The following BEST2 variants were observed in gnomAD, a reference collection of about 807,000 sequenced individuals.
The protein encoded by BEST2 is bestrophin-2a.
BEST2 carries 36 observed loss-of-function variants against 49.0 expected under a neutral mutation model. The ratio of observed to expected loss-of-function variants is 0.73; its 90% CI spans 0.56 to 0.97. The LOEUF is 0.97. Ranked by LOEUF, BEST2 falls within the 50% of genes least tolerant of loss-of-function variation. The probability of loss-of-function intolerance (pLI) is 0.00; values close to 1 mark genes in which losing one functional copy is unlikely to be tolerated. For missense variants in BEST2, 672 were observed against 710.0 expected (o/e 0.95, Z 0.61); for synonymous variants, 335 against 304.4 (o/e 1.10, Z -1.05).
chr19:12,755,245 C>A lies in BEST2; in HGVS notation c.637-134C>A. 2 of 1,084,302 alleles carry A rather than the reference C, an allele frequency of 1.8e-6. No homozygotes were observed. Among genetic ancestry groups the A allele is most frequent in the Non-Finnish European group, 2.7e-6 (2 of 734,212 alleles). The allele number at this position is 1,084,302 out of a possible 1,614,324, so 67.2% of individuals were successfully genotyped here. ...CCAGGTGCACACTCACCACCAAATACCCTCCCTGGAACCCCCAAAGCACAC... is the reference window on the plus strand; with the variant it reads ...CCAGGTGCACACTCACCACCAAATAACCTCCCTGGAACCCCCAAAGCACAC... On this transcript the variant is annotated intron_variant, in intron 5 of 9. Transcript: ENST00000553030. This position sits in a 1 kb window ranked among gnomAD's most constrained non-coding sequence, Gnocchi z 4.4.
Position 12,756,309 on chromosome 19 carries a change from G to A in BEST2, c.1103+14G>A. The A allele has an allele frequency of 6.2e-7, 1 of 1,611,794 alleles. No individual in the cohort carries two copies. Among genetic ancestry groups the A allele is most frequent in the Non-Finnish European group, 8.5e-7 (1 of 1,179,962 alleles). Reference sequence around the variant, plus strand: ...CTTTGACATCACGTGAGCCAGTTGGGTGGGCAGGGCCGCCTGGGGCAGGGC... The same window carrying A: ...CTTTGACATCACGTGAGCCAGTTGGATGGGCAGGGCCGCCTGGGGCAGGGC... On this transcript the variant is annotated intron_variant, in intron 9 of 9. Transcript: ENST00000553030.
chr19:12,756,400 A>G (rs1967945057), intron 9 of BEST2, 105 bp downstream of exon 9: 2 of 1,438,790 alleles, frequency 1.4e-6, no homozygotes, highest in African/African-American at 2.8e-5. Context: ...GATGGGGATA[A>G]GAGCTAAAGT....
intron 3 of BEST2, 54 bp downstream of exon 3, chr19:12,753,408 A>G: frequency 3.9e-6 from 6 of 1,537,620 alleles, no homozygotes; most frequent in Non-Finnish European, 5.4e-6. Context: ...ACCCATATCC[A>G]TTCATGCCTT....
Position 12,755,394 on chromosome 19 carries a change from C to G in BEST2, c.652C>G (p.Arg218Gly). 1 of 1,614,136 alleles carries G rather than the reference C, an allele frequency of 6.2e-7. No individual in the cohort carries two copies. The highest frequency in any genetic ancestry group is 8.5e-7 in the Non-Finnish European group (1 of 1,180,026). The change falls in exon 6 of 10, where the codon CGG becomes GGG. Residue 218 changes from arginine (R) to glycine (G), a missense_variant. Around this residue, in one of 3 missense-constraint regions of BEST2, gnomAD observed 365 missense variants for 390.9 expected, o/e 0.93. Coordinates refer to ENST00000553030, the MANE Select transcript of BEST2 (RefSeq NM_017682.3). The surrounding 1 kb of genome is among the most constrained non-coding windows in gnomAD (Gnocchi z 4.4). The stretch of plus-strand genomic sequence containing the variant: ...CCACCCCCAGGAGCTGAATGTTTTT[C>G]GGGGCAAATGTGGAATGCTCTTTCA... ...KLLLEELNVF[R>G]GKCGMLFHYD...
Position 12,755,739 on chromosome 19 carries a change from A to C in BEST2, c.839A>C (p.Gln280Pro). ...DLCVPIFTLL[Q>P]FFFYAGWLKV... Reference sequence around the variant, plus strand: ...TGTGTGCCCATCTTCACCCTCTTGCAGTTCTTCTTCTACGCCGGCTGGCTC... The same window carrying C: ...TGTGTGCCCATCTTCACCCTCTTGCCGTTCTTCTTCTACGCCGGCTGGCTC... The change falls in exon 7 of 10, where the codon CAG (glutamine) becomes CCG (proline). Residue 280 changes from glutamine to proline, a missense_variant. By Grantham distance (76) the Gln-to-Pro change is moderately conservative (BLOSUM62 -1). Around this residue, in one of 3 missense-constraint regions of BEST2, gnomAD observed 365 missense variants for 390.9 expected, o/e 0.93. Coordinates refer to ENST00000553030, the MANE Select transcript of BEST2 (RefSeq NM_017682.3). This position sits in a 1 kb window ranked among gnomAD's most constrained non-coding sequence, Gnocchi z 4.4. The C allele has an allele frequency of 6.2e-7, 1 of 1,614,012 alleles. No homozygotes were observed. Among genetic ancestry groups the C allele is most frequent in the Non-Finnish European group, 8.5e-7 (1 of 1,179,976 alleles).
In BEST2 at chr19:12,756,540, T is replaced by C. The variant is rs1484902574; in HGVS notation, c.1103+245T>C. ...CGAGGATCAGACCGGTCAGTGGTGA[T>C]TCCAAAGGAGATGAGGGCTGAGGCC... On this transcript the variant is annotated intron_variant, in intron 9 of 9. Transcript: ENST00000553030. 21 of 543,854 alleles carry C rather than the reference T, an allele frequency of 3.9e-5. No individual in the cohort carries two copies. The East Asian group carries it at 6.6e-4, about 17-fold the overall frequency. 33.7% of individuals were successfully genotyped at this position (543,854 alleles called of 1,614,324 possible).
chr19:12,756,345 G>A, intron 9 of BEST2, 50 bp downstream of exon 9: 1 of 1,597,428 alleles, frequency 6.3e-7, no homozygotes, highest in Non-Finnish European at 8.5e-7. Flanking sequence ...TTATGGCTCT[G>A]CGGGGCACAT....
intron 3 of BEST2, among the ~76,000 whole-genome samples, chr19:12,754,093 T>TTTTTTTTTG (rs1967904842): frequency 1.5e-5 from 2 of 137,810 alleles, no homozygotes; most frequent in African/African-American, 3.1e-5. Flanking sequence ...TTTTTTTTTT[T>TTTTTTTTTG]GAGATGGAGT....
chr19:12,758,168 T>A lies in BEST2; in HGVS notation c.*91T>A. 7.0e-7 allele frequency: 1 copy of A among 1,424,672 alleles called. No homozygotes were observed. Among genetic ancestry groups the A allele is most frequent in the Non-Finnish European group, 9.5e-7 (1 of 1,048,908 alleles). The allele number at this position is 1,424,672 out of a possible 1,614,324, so 88.3% of individuals were successfully genotyped here. A position where few individuals can be genotyped will look rare whatever the true frequency, so the allele number is the denominator to read the frequency against. On this transcript the variant is annotated 3_prime_UTR_variant, in exon 10 of 10. Coordinates refer to ENST00000553030, the MANE Select transcript of BEST2 (RefSeq NM_017682.3). ...CCGGTCTGCATAAGCCTCGTGTGCC[T>A]TTGTAAAGTCCACCTACACTTTTGA...
At position 12,755,520 on chromosome 19, in the gene BEST2, G is replaced by T. The variant is rs1296861829; in HGVS notation, c.714+64G>T. On this transcript the variant is annotated intron_variant, in intron 6 of 9. Coordinates refer to ENST00000553030, the MANE Select transcript of BEST2 (RefSeq NM_017682.3). The surrounding 1 kb of genome is among the most constrained non-coding windows in gnomAD (Gnocchi z 4.4). ...GGCCCTGATGCCTGGTTTCCAAGGG[G>T]AAACCAAGAACTAGCTAAGACCCCC... 9.3e-6 allele frequency: 15 copies of T among 1,610,752 alleles called. No homozygotes were observed. The highest frequency in any genetic ancestry group is 1.3e-5 in the Non-Finnish European group (15 of 1,177,176).
chr19:12,754,400 C>G, intron 3 of BEST2, 152 bp from the exon 4 acceptor site: 1 of 641,448 alleles, frequency 1.6e-6, no homozygotes, highest in South Asian at 2.2e-5. Flanking sequence ...AGGGCTGGAC[C>G]CCCAAGTTCC....
chr19:12,752,483 G>C, intron 1 of BEST2, 59 bp from the exon 2 acceptor site: 1 of 1,230,860 alleles, frequency 8.1e-7, no homozygotes, highest in Non-Finnish European at 1.1e-6. Flanking sequence ...TGGCGGGCCG[G>C]AACATGGGTG....
rs778984683 is a variant in BEST2, at chr19:12,753,240, C to T, written c.153-20C>T. 2.5e-6 allele frequency: 4 copies of T among 1,612,310 alleles called. No individual in the cohort carries two copies. The highest frequency in any genetic ancestry group is 2.2e-5 in the South Asian group (2 of 91,030). On this transcript the variant is annotated intron_variant, in intron 2 of 9. Transcript: ENST00000553030. ...TGGAGTCACCCTTGTGACCTGTGAC[C>T]CCTCATCTCTATCCCGCAGCTTTGT...
At position 12,757,904 on chromosome 19, in the gene BEST2, C is replaced by T; in HGVS notation, c.1357C>T (p.Leu453Phe). ...GGAGTGCAGCTGCGGGGACCCGCTGCTCGACCCCGGCCTGCCGGAGCCCGA... is the reference window on the plus strand; with the variant it reads ...GGAGTGCAGCTGCGGGGACCCGCTGTTCGACCCCGGCCTGCCGGAGCCCGA... Reference protein sequence around the residue: ...APECSCGDPLLDPGLPEPEAP... With the variant: ...APECSCGDPLFDPGLPEPEAP... Residue 453 changes from leucine to phenylalanine, a missense_variant, in exon 10 of 10, where the codon CTC becomes TTC. Physicochemically the swap from Leu to Phe is conservative, Grantham distance 22. This residue lies in a region of BEST2 where 291 missense variants were observed against 279.8 expected (regional missense o/e 1.04). Coordinates refer to ENST00000553030, the MANE Select transcript of BEST2 (RefSeq NM_017682.3). The T allele has an allele frequency of 6.4e-7, 1 of 1,555,688 alleles. No individual in the cohort carries two copies.
At chr19:12,756,025 C>T (rs1417804330) in intron 8 of BEST2, 90 bp downstream of exon 8, 1 of 1,590,912 alleles carries the variant, frequency 6.3e-7, no homozygotes, top group East Asian at 2.2e-5. Flanking sequence ...CAAGTCTTGC[C>T]AGGTCTCACC....
chr19:12,753,571 C>T (rs1967898794), intron 3 of BEST2, among the ~76,000 whole-genome samples: 1 of 151,908 alleles, frequency 6.6e-6, no homozygotes. Context: ...CACAGTGCCC[C>T]CTGAGGTGCC....
rs1967913914 is a variant in BEST2, at chr19:12,754,636, C to T, written c.332C>T (p.Ala111Val). The T allele has an allele frequency of 6.4e-7, 1 of 1,562,668 alleles. No individual in the cohort carries two copies. The highest frequency in any genetic ancestry group is 2.4e-5 in the East Asian group (1 of 41,928). Residue 111 changes from alanine to valine, a missense_variant, in exon 4 of 10, where the codon GCG becomes GTG. Physicochemically the swap from Ala to Val is moderately conservative, Grantham distance 64 (BLOSUM62 0). This residue lies in a region of BEST2 where 365 missense variants were observed against 390.9 expected (regional missense o/e 0.93). Coordinates refer to ENST00000553030, the MANE Select transcript of BEST2 (RefSeq NM_017682.3). ...PLPDALMCVV[A>V]GTVHGRDDRG... ...CCCGACGCGCTCATGTGCGTGGTGG[C>T]GGGCACCGTGCACGGACGCGACGAC...
Position 12,754,716 on chromosome 19 carries a change from C to A in BEST2, c.412C>A (p.Leu138Ile). The stretch of plus-strand genomic sequence containing the variant: ...GCGCTACGCAGGGCTCTCGGCCGTG[C>A]TCATCCTGCGCTCCGTCAGCACCGC... ...LMRYAGLSAV[L>I]ILRSVSTAVF... Residue 138 changes from leucine (L) to isoleucine (I), a missense_variant, in exon 4 of 10, where the codon CTC becomes ATC. By Grantham distance (5) the Leu-to-Ile change is conservative. Coordinates refer to ENST00000553030, the MANE Select transcript of BEST2 (RefSeq NM_017682.3). 1 of 1,591,960 alleles carries A rather than the reference C, an allele frequency of 6.3e-7. No individual in the cohort carries two copies. The highest frequency in any genetic ancestry group is 8.6e-7 in the Non-Finnish European group (1 of 1,169,124).
intron 3 of BEST2, 146 bp from the exon 4 acceptor site, chr19:12,754,406 G>A (rs1000699938): frequency 3.0e-6 from 2 of 673,708 alleles, no homozygotes; most frequent in Non-Finnish European, 4.8e-6. Context: ...GGACCCCCAA[G>A]TTCCCAGCCC....
Sources: gnomAD v4.1 joint callset for allele counts (sites outside exome capture counted in the v4.1 genomes callset) on GRCh38, gnomAD v4.1.1 for gene constraint, gnomAD v4.1.1 regional missense constraint, Gnocchi (gnomAD v3.1) non-coding constraint, MANE v1.5 for transcripts, NCBI Gene and HGNC (gene_info 2026-07-23, HGNC 2026-07-21) for gene names.